The following ASTN2 variants were observed in gnomAD, a reference collection of about 807,000 sequenced individuals.
ASTN2 encodes the protein astrotactin 2.
A neutral mutation model predicts 139.8 loss-of-function variants in ASTN2; 54 were observed. The observed-to-expected ratio is 0.39, with a 90% CI of 0.31 to 0.48. The LOEUF is 0.48. Among genes scored for constraint, ASTN2 ranks in the 20% least tolerant of loss-of-function variants. ASTN2 has a pLI of 0.95. For missense variants in ASTN2, 1,565 were observed against 1,725.1 expected, an observed-to-expected ratio of 0.91 and a Z score of 1.64; for synonymous variants, 756 against 719.5, an observed-to-expected ratio of 1.05 and a Z score of -0.81.
chr9:117,397,903 C>T (rs1830717712), intron 1 of ASTN2, among the ~76,000 whole-genome samples: 1 of 152,128 alleles, frequency 6.6e-6, no homozygotes, highest in South Asian at 2.1e-4. Context: ...GCCAGAGACA[C>T]CCACCCCCGA....
intron 13 of ASTN2, among the ~76,000 whole-genome samples, chr9:116,738,611 A>T (rs1829009680): frequency 6.6e-6 from 1 of 152,204 alleles, no homozygotes; most frequent in South Asian, 2.1e-4. Context: ...AAACGATGGA[A>T]ATTAAAACAG....
chr9:116,479,356 T>C (rs12684144), intron 20 of ASTN2, among the ~76,000 whole-genome samples: 31,424 of 152,178 alleles, frequency 0.21, 3,353 homozygotes, highest in Middle Eastern at 0.24. Context: ...TATATAATTA[T>C]AGTATCCATG....
intron 5 of ASTN2, among the ~76,000 whole-genome samples, chr9:117,073,875 G>T (rs982640570): frequency 2.6e-5 from 4 of 152,108 alleles, no homozygotes; most frequent in African/African-American, 9.7e-5. Flanking sequence ...ATGGAACAAA[G>T]CCTGCCCTAG....
At chr9:116,929,886 G>A (rs1030368737) in intron 10 of ASTN2, among the ~76,000 whole-genome samples, 5 of 152,144 alleles carry the variant, frequency 3.3e-5, no homozygotes, top group Non-Finnish European at 7.3e-5. Context: ...TCTCTGATAG[G>A]CCAGCAAATG....
intron 19 of ASTN2, among the ~76,000 whole-genome samples, chr9:116,495,766 A>T (rs1337573194): frequency 1.3e-5 from 2 of 152,122 alleles, no homozygotes; most frequent in Non-Finnish European, 2.9e-5. Flanking sequence ...AGACTCCAAA[A>T]CCCGAGCCTT....
intron 12 of ASTN2, among the ~76,000 whole-genome samples, chr9:116,814,897 C>T (rs16933900): frequency 0.011 from 1,745 of 152,246 alleles, 45 homozygotes; most frequent in African/African-American, 0.04. Context: ...CATCAATTGT[C>T]GGTGAGCATT....
chr9:116,498,694 GTA>G (rs1849753475), intron 19 of ASTN2, among the ~76,000 whole-genome samples: 1 of 152,100 alleles, frequency 6.6e-6, no homozygotes, highest in Admixed American at 6.6e-5. Context: ...AAAACATGAT[GTA>G]TATGTCAGTA....
chr9:116,683,844 G>C (rs1432005798), intron 16 of ASTN2, among the ~76,000 whole-genome samples: 3 of 151,982 alleles, frequency 2.0e-5, no homozygotes, highest in Non-Finnish European at 4.4e-5. Context: ...TTTTTGTCTT[G>C]TAACAGGACA....
At position 116,829,709 on chromosome 9, in the gene ASTN2, A is replaced by T. The variant is rs1588329193; in HGVS notation, c.2041-8926T>A. ...GAAAATCTGCCCCCATGATACAATC[A>T]CCTCCTACCAAGCCCCTCCTCCAAT... is the stretch of plus-strand genomic sequence containing the variant. On this transcript the variant is annotated intron_variant, in intron 11 of 22. Coordinates refer to ENST00000313400, the MANE Select transcript of ASTN2 (RefSeq NM_001365068.1). Among the ~76,000 whole-genome samples the T allele has an allele frequency of 2.0e-5, 3 of 152,064 alleles. 1 individual carries two copies.
chr9:116,835,260 A>C (rs1831947642), intron 11 of ASTN2, among the ~76,000 whole-genome samples: 1 of 152,118 alleles, frequency 6.6e-6, no homozygotes, highest in Non-Finnish European at 1.5e-5. Flanking sequence ...GGTTTATTTA[A>C]TCCTATACAT....
intron 17 of ASTN2, among the ~76,000 whole-genome samples, chr9:116,624,862 G>GA (rs572011350): frequency 0.014 from 1,941 of 140,766 alleles, 19 homozygotes; most frequent in African/African-American, 0.027. Flanking sequence ...GCTTTCTAGA[G>GA]AAAAAAAAAA....
intron 1 of ASTN2, among the ~76,000 whole-genome samples, chr9:117,321,714 T>A (rs527244307): frequency 6.6e-6 from 1 of 152,176 alleles, no homozygotes; most frequent in African/African-American, 2.4e-5. Context: ...CAGGTTCTGA[T>A]GCTCTAGAAC....
intron 10 of ASTN2, among the ~76,000 whole-genome samples, chr9:116,943,265 C>A (rs79630182): frequency 6.6e-6 from 1 of 152,102 alleles, no homozygotes; most frequent in Non-Finnish European, 1.5e-5. Context: ...CCTGGCACAC[C>A]TGTGAGTATA....
intron 7 of ASTN2, among the ~76,000 whole-genome samples, chr9:116,998,962 C>G (rs925674683): frequency 2.6e-5 from 4 of 152,162 alleles, no homozygotes; most frequent in Non-Finnish European, 5.9e-5. Context: ...TAGAAACAAT[C>G]TGTAAACATT....
chr9:116,646,970 C>T lies in ASTN2; in HGVS notation c.3072+4558G>A, dbSNP rs557485037. Among the ~76,000 whole-genome samples, 17 of 152,310 alleles carry T rather than the reference C, an allele frequency of 1.1e-4. No individual in the cohort carries two copies. In the South Asian group the frequency reaches 3.5e-3, roughly 32 times the overall value. On this transcript the variant is annotated intron_variant, in intron 17 of 22. Coordinates refer to ENST00000313400, the MANE Select transcript of ASTN2 (RefSeq NM_001365068.1). ...TTTTCATTCTCTTCCTGAAATGGGTCACATTTGCTCATTCTTCAGGTGTTT... is the reference window on the plus strand; with the variant it reads ...TTTTCATTCTCTTCCTGAAATGGGTTACATTTGCTCATTCTTCAGGTGTTT...
intron 4 of ASTN2, among the ~76,000 whole-genome samples, chr9:117,114,860 G>A (rs532927858): frequency 1.1e-4 from 16 of 152,154 alleles, no homozygotes; most frequent in African/African-American, 3.9e-4. Context: ...ATTTTGGAGA[G>A]CCCACATGTA....
intron 13 of ASTN2, among the ~76,000 whole-genome samples, chr9:116,777,449 T>A (rs777042892): frequency 3.9e-5 from 6 of 152,178 alleles, no homozygotes; most frequent in Non-Finnish European, 8.8e-5. Flanking sequence ...TTGCGGCACC[T>A]AGGTTGTAAC....
chr9:116,634,976 G>A (rs73528761), intron 17 of ASTN2, among the ~76,000 whole-genome samples: 1,698 of 152,202 alleles, frequency 0.011, 30 homozygotes, highest in African/African-American at 0.039. Flanking sequence ...AGAAAAAAAA[G>A]GAAGCAAGAG....
intron 2 of ASTN2, among the ~76,000 whole-genome samples, chr9:117,260,389 C>G (rs1833793478): frequency 6.6e-6 from 1 of 152,156 alleles, no homozygotes; most frequent in African/African-American, 2.4e-5. Context: ...TCCACTCTAT[C>G]CTGGATAAAT....
Sources: allele counts gnomAD v4.1 joint callset (sites outside exome capture counted in the v4.1 genomes callset), GRCh38; gene constraint gnomAD v4.1.1; transcripts MANE v1.5; gene names NCBI Gene and HGNC (gene_info 2026-07-23, HGNC 2026-07-21).